Variants in ARMC2 observed in about 807,000 individuals in gnomAD.
ARMC2 encodes the protein armadillo repeat-containing protein 2.
A neutral mutation model predicts 90.3 loss-of-function variants in ARMC2; 67 were observed. The ratio of observed to expected loss-of-function variants is 0.74; its 90% CI spans 0.61 to 0.91. The LOEUF (loss-of-function observed/expected upper bound fraction) is 0.91. Ranked by LOEUF, ARMC2 falls within the 40% of genes least tolerant of loss-of-function variation. The probability of loss-of-function intolerance (pLI) is 0.00; values close to 1 mark genes in which losing one functional copy is unlikely to be tolerated. For missense variants in ARMC2, 920 were observed against 1,030.9 expected (o/e 0.89, Z 1.47); for synonymous variants, 393 against 393.0 (o/e 1.00, Z 0.00).
chr6:108,948,165 A>G (rs1776936371), intron 12 of ARMC2, among the ~76,000 whole-genome samples: 1 of 152,206 alleles, frequency 6.6e-6, no homozygotes, highest in Non-Finnish European at 1.5e-5. Flanking sequence ...AACAGTAGAT[A>G]ATCTCTCCAT....
the ARMC2 span, among the ~76,000 whole-genome samples, chr6:109,034,933 T>A: frequency 6.6e-6 from 1 of 152,242 alleles, no homozygotes; most frequent in African/African-American, 2.4e-5. Context: ...TAAGAACTTT[T>A]ATATCAGGGT....
At chr6:108,849,356 C>G (rs1773769963) in intron 1 of ARMC2, among the ~76,000 whole-genome samples, 1 of 152,118 alleles carries the variant, frequency 6.6e-6, no homozygotes. Flanking sequence ...CAATAAAATG[C>G]TTAATAAAAA....
At chr6:108,904,082 T>C in intron 7 of ARMC2, 148 bp from the exon 8 acceptor site, 1 of 891,792 alleles carries the variant, frequency 1.1e-6, no homozygotes, top group Admixed American at 2.7e-5. Context: ...TAGATGGAAG[T>C]GATAAGATAA....
rs1263399041 is a variant in ARMC2, at chr6:108,953,367, C to A, written c.1915+16C>A. On this transcript the variant is annotated intron_variant, in intron 13 of 17. Coordinates refer to ENST00000392644, the MANE Select transcript of ARMC2 (RefSeq NM_032131.6). ...ACCACGCTGGGTGAGAACCGCAGCC[C>A]ACTGGCTGCAGCAGACACAACCAAC... 2 of 1,582,084 alleles carry A rather than the reference C, an allele frequency of 1.3e-6. No homozygotes were observed. Among genetic ancestry groups the A allele is most frequent in the East Asian group, 4.5e-5 (2 of 44,482 alleles).
At chr6:108,998,285 A>G in the ARMC2 span, among the ~76,000 whole-genome samples, 1 of 152,194 alleles carries the variant, frequency 6.6e-6, no homozygotes, top group Non-Finnish European at 1.5e-5. Context: ...AAACTCCTAC[A>G]GGGTCTTAGA....
chr6:109,043,685 G>A, the ARMC2 span, among the ~76,000 whole-genome samples: 1 of 152,072 alleles, frequency 6.6e-6, no homozygotes, highest in Admixed American at 6.5e-5. Context: ...ACAAAACTCT[G>A]ATCAAAGAAA....
At chr6:108,857,040 TG>T (rs1373205322) in intron 2 of ARMC2, among the ~76,000 whole-genome samples, 1 of 152,228 alleles carries the variant, frequency 6.6e-6, no homozygotes, top group Non-Finnish European at 1.5e-5. Context: ...AACATTGTGT[TG>T]GCTAGTCTGG....
chr6:109,028,334 C>T, the ARMC2 span, among the ~76,000 whole-genome samples: 1 of 152,082 alleles, frequency 6.6e-6, no homozygotes, highest in South Asian at 2.1e-4. Flanking sequence ...AATTATTAAA[C>T]ATTCTACAGT....
At chr6:109,028,170 T>G in the ARMC2 span, among the ~76,000 whole-genome samples, 2 of 152,230 alleles carry the variant, frequency 1.3e-5, no homozygotes, top group African/African-American at 4.8e-5. Context: ...TGTTTTCTTC[T>G]GAAAGTTTTA....
intron 7 of ARMC2, among the ~76,000 whole-genome samples, chr6:108,901,939 G>T (rs193287551): frequency 6.9e-4 from 105 of 152,316 alleles, no homozygotes; most frequent in Non-Finnish European, 1.4e-3. Context: ...GGGTTTGTCT[G>T]ATGTTTTCCC....
intron 6 of ARMC2, among the ~76,000 whole-genome samples, chr6:108,895,850 G>C (rs1370594957): frequency 6.6e-6 from 1 of 152,078 alleles, no homozygotes; most frequent in Non-Finnish European, 1.5e-5. Flanking sequence ...GAGGAGGAGG[G>C]GAATGGATGC....
the ARMC2 span, among the ~76,000 whole-genome samples, chr6:109,020,470 C>T: frequency 3.3e-5 from 5 of 152,100 alleles, no homozygotes; most frequent in African/African-American, 1.2e-4. Flanking sequence ...CAGTGAAATG[C>T]TACAGGCCAA....
intron 10 of ARMC2, among the ~76,000 whole-genome samples, chr6:108,916,740 G>C (rs928287528): frequency 6.6e-6 from 1 of 152,174 alleles, no homozygotes; most frequent in Non-Finnish European, 1.5e-5. Flanking sequence ...GAGGTGTTAG[G>C]GTTCGTCTGT....
intron 5 of ARMC2, among the ~76,000 whole-genome samples, chr6:108,890,706 G>A (rs956589292): frequency 8.5e-5 from 13 of 152,260 alleles, no homozygotes; most frequent in African/African-American, 1.9e-4. Flanking sequence ...TAAGGATCAC[G>A]TAGAACAGCA....
the ARMC2 span, chr6:108,988,486 A>C: frequency 2.0e-6 from 3 of 1,475,464 alleles, no homozygotes; most frequent in East Asian, 7.0e-5. Context: ...GGTTAGGTGA[A>C]GGAGACTACG....
At chr6:108,987,325 T>C in the ARMC2 span, 5 of 453,212 alleles carry the variant, frequency 1.1e-5, no homozygotes, top group South Asian at 2.0e-4. Flanking sequence ...ATACTGTGAA[T>C]GGCAGCCTGT....
the ARMC2 span, chr6:109,001,399 T>G: frequency 6.2e-7 from 1 of 1,613,886 alleles, no homozygotes; most frequent in Non-Finnish European, 8.5e-7. Context: ...AAACCATCAC[T>G]AACGTAATGT....
chr6:108,960,533 A>G (rs955749818), intron 13 of ARMC2, among the ~76,000 whole-genome samples: 16 of 152,248 alleles, frequency 1.1e-4, no homozygotes, highest in African/African-American at 3.9e-4. Context: ...AGCCATGAAG[A>G]AAACAGACAC....
chr6:108,858,202 C>T lies in ARMC2; in HGVS notation c.222C>T (p.Leu74=). The T allele has an allele frequency of 1.2e-6, 2 of 1,608,722 alleles. No homozygotes were observed. Among genetic ancestry groups the T allele is most frequent in the African/African-American group, 1.3e-5 (1 of 74,948 alleles). The change falls in exon 3 of 18, where the codon CTC becomes CTT. Residue 74 remains leucine, a synonymous_variant. Transcript: ENST00000392644. ...TCTGCACCATCTTTTATGCTAGCCT[C>T]CATGCATCCAGTTTTGAGTCATCTG... ...SENRPPSSFS[L]HASSFESSDS... is the part of the protein sequence containing the mutation.
Sources: gnomAD v4.1 joint callset for allele counts (sites outside exome capture counted in the v4.1 genomes callset) on GRCh38, gnomAD v4.1.1 for gene constraint, MANE v1.5 for transcripts, NCBI Gene and HGNC (gene_info 2026-07-23, HGNC 2026-07-21) for gene names.